NXPH1: variants seen among roughly 807,000 people sequenced by gnomAD.
NXPH1 encodes the protein neurexophilin-1.
NXPH1 carries 5 observed loss-of-function variants against 23.7 expected under a neutral mutation model. The observed-to-expected ratio is 0.21, with a 90% confidence interval of 0.11 to 0.44. The LOEUF (loss-of-function observed/expected upper bound fraction) is 0.44, where lower values mean the gene tolerates loss of function less well. Among genes scored for constraint, NXPH1 ranks in the 20% least tolerant of loss-of-function variants. The pLI is 0.99. For missense variants in NXPH1, 324 were observed against 321.6 expected (o/e 1.01, Z -0.06); for synonymous variants, 144 against 122.2 (o/e 1.18, Z -1.18).
chr7:8,444,932 T>C (rs1184813330), intron 2 of NXPH1, among the ~76,000 whole-genome samples: 2 of 152,250 alleles, frequency 1.3e-5, no homozygotes, highest in Non-Finnish European at 2.9e-5. Flanking sequence ...AGCCTTTTTA[T>C]GGCATATTGT....
chr7:8,652,705 G>A (rs983133123), intron 2 of NXPH1, among the ~76,000 whole-genome samples: 4 of 151,994 alleles, frequency 2.6e-5, no homozygotes, highest in African/African-American at 7.3e-5. Flanking sequence ...TTCTTTAACC[G>A]AGGTATTTTT....
intron 2 of NXPH1, among the ~76,000 whole-genome samples, chr7:8,566,858 T>TTC (rs1554257327): frequency 0.014 from 2,063 of 151,622 alleles, 43 homozygotes; most frequent in African/African-American, 0.046. Context: ...CATATTTTTT[T>TTC]TCTCTCTCTC....
chr7:8,660,648 C>G lies in NXPH1; in HGVS notation c.55-90360C>G, dbSNP rs1033015115. 2.6e-5 allele frequency among the ~76,000 whole-genome samples: 4 copies of G among 152,186 alleles called. No individual in the cohort carries two copies. In the South Asian group the frequency reaches 6.2e-4, roughly 24 times the overall value. ...TAAAGCTACTCACTGAAACTGAAATCCTTTGTCATAATAACAACTGCAGGC... is the reference window on the plus strand; with the variant it reads ...TAAAGCTACTCACTGAAACTGAAATGCTTTGTCATAATAACAACTGCAGGC... On this transcript the variant is annotated intron_variant, in intron 2 of 2. Coordinates refer to ENST00000405863, the MANE Select transcript of NXPH1 (RefSeq NM_152745.3).
intron 2 of NXPH1, among the ~76,000 whole-genome samples, chr7:8,680,123 A>G (rs1821028321): frequency 6.6e-6 from 1 of 152,268 alleles, no homozygotes; most frequent in Non-Finnish European, 1.5e-5. Context: ...GCTTTTATTC[A>G]GTGCCATTTG....
intron 2 of NXPH1, 59 bp from the exon 3 acceptor site, chr7:8,750,949 C>T: frequency 4.0e-6 from 6 of 1,498,814 alleles, no homozygotes; most frequent in Non-Finnish European, 5.5e-6. Flanking sequence ...TAGATCTATG[C>T]ATTGGGTGTT....
At chr7:8,685,724 A>T (rs1244548314) in intron 2 of NXPH1, among the ~76,000 whole-genome samples, 1 of 152,024 alleles carries the variant, frequency 6.6e-6, no homozygotes. Flanking sequence ...CATTCCCACC[A>T]ATTGAACTCA....
At chr7:8,636,777 G>T (rs940306546) in intron 2 of NXPH1, among the ~76,000 whole-genome samples, 26 of 152,320 alleles carry the variant, frequency 1.7e-4, no homozygotes, top group African/African-American at 6.0e-4. Context: ...CAAATTACCT[G>T]TTTGGGTTTC....
chr7:8,745,196 T>TC (rs1227510252), intron 2 of NXPH1, among the ~76,000 whole-genome samples: 1 of 152,220 alleles, frequency 6.6e-6, no homozygotes, highest in Non-Finnish European at 1.5e-5. Context: ...TTTCTTTTTT[T>TC]CCCCTTTCTT....
intron 2 of NXPH1, among the ~76,000 whole-genome samples, chr7:8,509,036 A>G (rs1211040304): frequency 6.6e-6 from 1 of 152,076 alleles, no homozygotes. Context: ...TTTTTAGATG[A>G]CCAAATTTGT....
At chr7:8,661,003 A>G (rs1488625860) in intron 2 of NXPH1, among the ~76,000 whole-genome samples, 1 of 142,044 alleles carries the variant, frequency 7.0e-6, no homozygotes, top group Non-Finnish European at 1.5e-5. Flanking sequence ...CTTATATGGA[A>G]CGATCTTTTC....
intron 2 of NXPH1, among the ~76,000 whole-genome samples, chr7:8,664,019 T>G (rs1820721881): frequency 6.6e-6 from 1 of 152,096 alleles, no homozygotes; most frequent in Non-Finnish European, 1.5e-5. Context: ...GTCTCCCATC[T>G]TCCTAGAGAA....
intron 2 of NXPH1, among the ~76,000 whole-genome samples, chr7:8,505,186 T>C (rs987041087): frequency 6.6e-6 from 1 of 152,100 alleles, no homozygotes; most frequent in Non-Finnish European, 1.5e-5. Context: ...GTCTCTGACC[T>C]ACTGCTGGCT....
rs189088140 is a variant in NXPH1, at chr7:8,745,586, C to T, written c.55-5422C>T. ...CTGTCTGCCCCGAAACAGAGTCTTG[C>T]TCTGTCGCCAGGCTGGAGTGCAGTG... On this transcript the variant is annotated intron_variant, in intron 2 of 2. Coordinates refer to ENST00000405863, the MANE Select transcript of NXPH1 (RefSeq NM_152745.3). 1.0e-3 allele frequency among the ~76,000 whole-genome samples: 157 copies of T among 152,222 alleles called. 3 individuals carry two copies. The highest frequency in any genetic ancestry group is 3.5e-3 in the African/African-American group (145 of 41,530).
chr7:8,679,528 A>G (rs1386599474), intron 2 of NXPH1, among the ~76,000 whole-genome samples: 1 of 152,208 alleles, frequency 6.6e-6, no homozygotes, highest in Non-Finnish European at 1.5e-5. Flanking sequence ...CAGGTTTGAA[A>G]TTGTTAATTG....
chr7:8,737,304 G>A (rs753142904), intron 2 of NXPH1, among the ~76,000 whole-genome samples: 3 of 152,098 alleles, frequency 2.0e-5, no homozygotes, highest in Admixed American at 6.6e-5. Context: ...CTTCCTTCAG[G>A]AGCTCTCGTA....
intron 2 of NXPH1, among the ~76,000 whole-genome samples, chr7:8,578,229 A>T (rs1818791867): frequency 1.3e-5 from 2 of 152,190 alleles, no homozygotes; most frequent in South Asian, 4.1e-4. Flanking sequence ...TTTCATCCTG[A>T]TAAACCCATT....
intron 2 of NXPH1, among the ~76,000 whole-genome samples, chr7:8,602,820 A>G (rs1430431804): frequency 6.6e-6 from 1 of 152,082 alleles, no homozygotes; most frequent in African/African-American, 2.4e-5. Context: ...AAACTCAACA[A>G]TAGTGGACTT....
intron 2 of NXPH1, among the ~76,000 whole-genome samples, chr7:8,561,796 A>T (rs1400420328): frequency 6.6e-6 from 1 of 151,712 alleles, no homozygotes; most frequent in Non-Finnish European, 1.5e-5. Flanking sequence ...AGGTATTTAC[A>T]TAAAAAGAGA....
At chr7:8,507,266 A>G (rs1817542920) in intron 2 of NXPH1, among the ~76,000 whole-genome samples, 2 of 151,738 alleles carry the variant, frequency 1.3e-5, no homozygotes, top group African/African-American at 4.9e-5. Context: ...TTGTTAATAC[A>G]TTAGGGCATG....
Sources: allele counts gnomAD v4.1 joint callset (sites outside exome capture counted in the v4.1 genomes callset), GRCh38; gene constraint gnomAD v4.1.1; transcripts MANE v1.5; gene names NCBI Gene and HGNC (gene_info 2026-07-23, HGNC 2026-07-21).